The following RAB3IL1 variants were observed in gnomAD, a reference collection of about 807,000 sequenced individuals.
RAB3IL1 encodes guanine nucleotide exchange factor for Rab-3A.
RAB3IL1 carries 37 observed loss-of-function variants against 49.2 expected under a neutral mutation model. The observed-to-expected ratio is 0.75, with a 90% CI of 0.58 to 0.99. RAB3IL1 has a LOEUF of 0.99. Among genes scored for constraint, RAB3IL1 ranks in the 50% least tolerant of loss-of-function variants. RAB3IL1 has a pLI of 0.00. For missense variants in RAB3IL1, 484 were observed against 513.0 expected (o/e 0.94, Z 0.55); for synonymous variants, 193 against 213.9 (o/e 0.90, Z 0.85).
rs1262093530 is a variant in RAB3IL1 at position 61,907,615 on chromosome 11, G to A, written c.310C>T (p.Arg104Trp). ...TCCAGCTCCTGTTCTAGCTGCTCCCGCACCTTGGACAGCCGCTCACATTCC... is the reference window on the plus strand; with the variant it reads ...TCCAGCTCCTGTTCTAGCTGCTCCCACACCTTGGACAGCCGCTCACATTCC... Reference protein sequence around the residue: ...DEECERLSKVREQLEQELEEL... With the variant: ...DEECERLSKVWEQLEQELEEL... The change falls in exon 3 of 10, where the codon CGG becomes TGG. Residue 104 changes from arginine to tryptophan, a missense_variant. By Grantham distance (101) the Arg-to-Trp change is moderately radical. Coordinates refer to ENST00000394836, the MANE Select transcript of RAB3IL1 (RefSeq NM_013401.4). 23 of 1,613,914 alleles carry A rather than the reference G, an allele frequency of 1.4e-5. No individual in the cohort carries two copies. Among genetic ancestry groups the A allele is most frequent in the Middle Eastern group, 1.6e-4 (1 of 6,082 alleles).
chr11:61,927,926 G>T, the RAB3IL1 span, among the ~76,000 whole-genome samples: 1 of 152,090 alleles, frequency 6.6e-6, no homozygotes, highest in Admixed American at 6.6e-5. Context: ...ATTACCCAGC[G>T]TTGAGTAGTT....
the RAB3IL1 span, among the ~76,000 whole-genome samples, chr11:61,942,846 C>CA: frequency 3.3e-5 from 5 of 152,146 alleles, no homozygotes; most frequent in East Asian, 9.6e-4. Context: ...AACCCTACGA[C>CA]AGTGGTGAAT....
chr11:61,907,743 C>G, intron 2 of RAB3IL1, 83 bp from the exon 3 acceptor site: 1 of 1,256,970 alleles, frequency 8.0e-7, no homozygotes, highest in Non-Finnish European at 1.1e-6. Flanking sequence ...GGACCAGGTT[C>G]CATCCCCTCG....
chr11:61,919,924 T>C, upstream of RAB3IL1: 1 of 658,256 alleles, frequency 1.5e-6, no homozygotes, highest in South Asian at 8.0e-5. Flanking sequence ...AGCCACCAAA[T>C]TGGACAAGAC....
upstream of RAB3IL1, chr11:61,920,315 T>A: frequency 1.7e-6 from 2 of 1,209,644 alleles, no homozygotes; most frequent in African/African-American, 1.6e-5. Flanking sequence ...AGCAGCAGCC[T>A]GGGAGGGAGG....
the RAB3IL1 span, among the ~76,000 whole-genome samples, chr11:61,927,826 C>A: frequency 1.3e-5 from 2 of 152,120 alleles, no homozygotes; most frequent in African/African-American, 4.8e-5. Context: ...TCACCTTCAG[C>A]CATGATCGTA....
the RAB3IL1 span, among the ~76,000 whole-genome samples, chr11:61,941,351 A>G: frequency 6.6e-6 from 1 of 152,234 alleles, no homozygotes. Context: ...AATAAATGCC[A>G]ATCCACAAAC....
chr11:61,937,659 G>A, the RAB3IL1 span, among the ~76,000 whole-genome samples: 4 of 150,406 alleles, frequency 2.7e-5, no homozygotes, highest in Admixed American at 1.3e-4. Context: ...AGAAAAGAAG[G>A]GAATCAAAAG....
At chr11:61,934,331 C>T in the RAB3IL1 span, among the ~76,000 whole-genome samples, 3 of 129,486 alleles carry the variant, frequency 2.3e-5, no homozygotes, top group East Asian at 2.2e-4. Flanking sequence ...CACACACACA[C>T]ACACACACAC....
chr11:61,931,666 G>A, the RAB3IL1 span, among the ~76,000 whole-genome samples: 1 of 152,116 alleles, frequency 6.6e-6, no homozygotes, highest in Non-Finnish European at 1.5e-5. Flanking sequence ...AAGGCAAGGA[G>A]GAGGAAGAAG....
chr11:61,903,148 C>A (rs760599248), intron 7 of RAB3IL1, among the ~76,000 whole-genome samples: 1 of 152,112 alleles, frequency 6.6e-6, no homozygotes, highest in Non-Finnish European at 1.5e-5. Flanking sequence ...CTGGGCCCCA[C>A]TCCCCAAACC....
At chr11:61,940,310 G>T in the RAB3IL1 span, among the ~76,000 whole-genome samples, 1 of 151,104 alleles carries the variant, frequency 6.6e-6, no homozygotes, top group Non-Finnish European at 1.5e-5. Flanking sequence ...GCATAGTGGC[G>T]CATGCCTGTA....
At chr11:61,900,120 G>A (rs1938828593) in intron 8 of RAB3IL1, among the ~76,000 whole-genome samples, 1 of 152,230 alleles carries the variant, frequency 6.6e-6, no homozygotes, top group East Asian at 1.9e-4. Flanking sequence ...ACTGACTTGT[G>A]TGGAGATAGA....
the RAB3IL1 span, among the ~76,000 whole-genome samples, chr11:61,926,165 C>T: frequency 7.1e-6 from 1 of 140,032 alleles, no homozygotes; most frequent in Non-Finnish European, 1.6e-5. Flanking sequence ...CGAAAATATT[C>T]CCAGGCAATG....
chr11:61,926,407 A>G, the RAB3IL1 span, among the ~76,000 whole-genome samples: 1 of 152,120 alleles, frequency 6.6e-6, no homozygotes, highest in African/African-American at 2.4e-5. Context: ...ACAGCATGAT[A>G]TGGTTTGGGT....
upstream of RAB3IL1, among the ~76,000 whole-genome samples, chr11:61,923,033 G>A (rs1026590625): frequency 2.0e-5 from 3 of 152,234 alleles, no homozygotes; most frequent in African/African-American, 7.2e-5. Context: ...ATATGTGGGA[G>A]TTGGTCCCTC....
chr11:61,908,055 T>G lies in RAB3IL1; in HGVS notation c.263A>C (p.Lys88Thr), dbSNP rs1364489750. ...FLKEELHRAQ[K>T]ELKLKDEECE... is the part of the protein sequence containing the mutation. The stretch of plus-strand genomic sequence containing the variant: ...CCCCAGCCTACTGCAGGCACCCACC[T>G]TCTGCGCTCTGTGCAGCTCCTCCTT... Residue 88 changes from lysine to threonine, a missense_variant and splice_region_variant, in exon 2 of 10, where the codon AAG (lysine) becomes ACG (threonine). By Grantham distance (78) the Lys-to-Thr change is moderately conservative (BLOSUM62 -1). Coordinates refer to ENST00000394836, the MANE Select transcript of RAB3IL1 (RefSeq NM_013401.4). 1.9e-6 allele frequency: 3 copies of G among 1,606,578 alleles called. No individual in the cohort carries two copies. The African/African-American group carries it at 4.0e-5, about 21-fold the overall frequency.
At chr11:61,939,959 A>G in the RAB3IL1 span, among the ~76,000 whole-genome samples, 2,053 of 147,232 alleles carry the variant, frequency 0.014, 55 homozygotes, top group African/African-American at 0.048. Context: ...CTCTGTCTCA[A>G]AAAAAAAAAA....
intron 1 of RAB3IL1, among the ~76,000 whole-genome samples, chr11:61,909,133 C>A (rs929729673): frequency 6.6e-6 from 1 of 152,232 alleles, no homozygotes; most frequent in Non-Finnish European, 1.5e-5. Context: ...GACTCGCTCA[C>A]TCAGCAAAAG....
Sources: gnomAD v4.1 joint callset for allele counts (sites outside exome capture counted in the v4.1 genomes callset) on GRCh38, gnomAD v4.1.1 for gene constraint, MANE v1.5 for transcripts, NCBI Gene and HGNC (gene_info 2026-07-23, HGNC 2026-07-21) for gene names.